Variants in NCOR1 observed in about 807,000 individuals in gnomAD.
The protein encoded by NCOR1 is protein phosphatase 1, regulatory subunit 109.
NCOR1 carries 63 observed loss-of-function variants against 288.1 expected under a neutral mutation model. The observed-to-expected ratio is 0.22, with a 90% confidence interval of 0.18 to 0.27. The LOEUF (loss-of-function observed/expected upper bound fraction) is 0.27. Among genes scored for constraint, NCOR1 ranks in the 10% least tolerant of loss-of-function variants. The pLI is 1.00. For synonymous variants in NCOR1, 1,007 were observed against 1,065.9 expected (o/e 0.94, Z 1.08); for missense variants, 2,397 against 3,019.2 (o/e 0.79, Z 4.83).
At chr17:16,112,406 T>C (rs2070466516) in intron 18 of NCOR1, among the ~76,000 whole-genome samples, 1 of 152,228 alleles carries the variant, frequency 6.6e-6, no homozygotes, top group Admixed American at 6.5e-5. Context: ...AATTCAAATC[T>C]TATTAGCTTT....
chr17:16,170,918 T>C (rs565657252), intron 4 of NCOR1, among the ~76,000 whole-genome samples: 238 of 151,028 alleles, frequency 1.6e-3, no homozygotes, highest in Non-Finnish European at 3.0e-3. Context: ...TCACAAAAGA[T>C]GGGTAAATAA....
chr17:16,151,133 T>C (rs184230024), intron 8 of NCOR1, among the ~76,000 whole-genome samples: 74 of 151,854 alleles, frequency 4.9e-4, no homozygotes, highest in African/African-American at 1.8e-3. Flanking sequence ...ATAAAACATA[T>C]AAAGTAGAAA....
intron 19 of NCOR1, among the ~76,000 whole-genome samples, chr17:16,103,828 C>T (rs909259828): frequency 4.6e-5 from 7 of 152,212 alleles, no homozygotes; most frequent in East Asian, 1.9e-4. Context: ...CCATCCTGAC[C>T]GACATAGTGA....
At chr17:16,116,989 A>G (rs1481863909) in intron 18 of NCOR1, among the ~76,000 whole-genome samples, 1 of 152,220 alleles carries the variant, frequency 6.6e-6, no homozygotes, top group African/African-American at 2.4e-5. Flanking sequence ...AAAAAAGTAA[A>G]TAACATTTGA....
chr17:16,200,833 G>A (rs950076120), intron 1 of NCOR1, among the ~76,000 whole-genome samples: 11 of 152,100 alleles, frequency 7.2e-5, no homozygotes, highest in Admixed American at 2.0e-4. Flanking sequence ...GCAAGACAAA[G>A]CTAAGAAGGA....
chr17:16,170,350 A>G (rs1364816912), intron 4 of NCOR1, among the ~76,000 whole-genome samples: 7 of 152,312 alleles, frequency 4.6e-5, no homozygotes, highest in Admixed American at 6.5e-5. Context: ...GTATGCTTTA[A>G]AAAAAGAAAA....
rs543805731 is a variant in NCOR1 at position 16,155,303 on chromosome 17, A to G, written c.733-1908T>C. Among the ~76,000 whole-genome samples, 14 of 150,346 alleles carry G rather than the reference A, an allele frequency of 9.3e-5. No homozygotes were observed. The East Asian group carries it at 2.4e-3, about 25-fold the overall frequency. On this transcript the variant is annotated intron_variant, in intron 6 of 45. Transcript: ENST00000268712. ...GAGGTGGAGGTTGCAGTGAGCCAAGATCGTGCCACTGCACTCCAGCCTGGG... is the reference window on the plus strand; with the variant it reads ...GAGGTGGAGGTTGCAGTGAGCCAAGGTCGTGCCACTGCACTCCAGCCTGGG...
intron 40 of NCOR1, among the ~76,000 whole-genome samples, chr17:16,055,923 A>G (rs1252718482): frequency 6.6e-6 from 1 of 152,184 alleles, no homozygotes; most frequent in Non-Finnish European, 1.5e-5. Flanking sequence ...CTTCAAAATT[A>G]TCCAGTTTGG....
intron 15 of NCOR1, among the ~76,000 whole-genome samples, chr17:16,124,713 G>A (rs11650678): frequency 0.45 from 68,807 of 151,976 alleles, 16,592 homozygotes; most frequent in Middle Eastern, 0.58. Flanking sequence ...TTTCTATAAT[G>A]TAATTTTATA....
Position 16,186,558 on chromosome 17 carries a change from C to G in NCOR1, c.238G>C (p.Asp80His). The G allele has an allele frequency of 6.2e-7, 1 of 1,613,834 alleles. No homozygotes were observed. The highest frequency in any genetic ancestry group is 8.5e-7 in the Non-Finnish European group (1 of 1,179,870). The change falls in exon 3 of 46, where the codon GAC (aspartate) becomes CAC (histidine). Residue 80 changes from aspartate (D) to histidine (H), a missense_variant. Coordinates refer to ENST00000268712, the MANE Select transcript of NCOR1 (RefSeq NM_006311.4). ...SLLSEFHPGS[D>H]RPQERRTSYE... ...ACATAAAAGAAACCTCATTACCTGTCAGAACCTGGGTGAAATTCTGAAAGC... is the reference window on the plus strand; with the variant it reads ...ACATAAAAGAAACCTCATTACCTGTGAGAACCTGGGTGAAATTCTGAAAGC...
At chr17:16,152,022 T>C (rs754211226) in intron 7 of NCOR1, 24 bp from the exon 8 acceptor site, 2 of 1,499,238 alleles carry the variant, frequency 1.3e-6, no homozygotes, top group Non-Finnish European at 1.8e-6. Context: ...CAAATATTTA[T>C]GTATAAAATG....
intron 42 of NCOR1, among the ~76,000 whole-genome samples, chr17:16,041,874 C>T (rs1465489764): frequency 2.0e-5 from 3 of 151,694 alleles, no homozygotes; most frequent in Admixed American, 6.6e-5. Flanking sequence ...GTGGCTGGGA[C>T]TACAGGCGCC....
intron 42 of NCOR1, among the ~76,000 whole-genome samples, chr17:16,045,846 C>T (rs989495525): frequency 1.3e-5 from 2 of 151,848 alleles, no homozygotes; most frequent in Non-Finnish European, 2.9e-5. Flanking sequence ...AGACATCTCA[C>T]TCTGGCTTAG....
intron 16 of NCOR1, among the ~76,000 whole-genome samples, chr17:16,120,395 CA>C (rs1330099925): frequency 6.6e-6 from 1 of 152,148 alleles, no homozygotes; most frequent in Non-Finnish European, 1.5e-5. Flanking sequence ...TGACCTGCCC[CA>C]ACCTATCTTT....
intron 23 of NCOR1, among the ~76,000 whole-genome samples, chr17:16,082,508 G>C (rs1265680482): frequency 1.3e-5 from 2 of 152,022 alleles, no homozygotes; most frequent in Non-Finnish European, 2.9e-5. Flanking sequence ...TTGAGGCCAA[G>C]AGTCTGAGAC....
intron 19 of NCOR1, among the ~76,000 whole-genome samples, chr17:16,107,784 C>T (rs2069091018): frequency 6.6e-6 from 1 of 152,172 alleles, no homozygotes; most frequent in African/African-American, 2.4e-5. Flanking sequence ...TTCTCTAATA[C>T]TCTCTCTACT....
chr17:16,109,837 C>T (rs1033390483), intron 18 of NCOR1, among the ~76,000 whole-genome samples: 1 of 152,104 alleles, frequency 6.6e-6, no homozygotes, highest in Non-Finnish European at 1.5e-5. Context: ...TGGGTTCAAG[C>T]AATTCTCTGC....
chr17:16,075,494 TA>T, intron 27 of NCOR1, 39 bp downstream of exon 27: 1 of 1,595,064 alleles, frequency 6.3e-7, no homozygotes, highest in Non-Finnish European at 8.6e-7. Context: ...TTTTAGCACA[TA>T]TTGTAATACT....
chr17:16,072,908 T>C (rs970395370), intron 28 of NCOR1, among the ~76,000 whole-genome samples: 1 of 152,220 alleles, frequency 6.6e-6, no homozygotes, highest in Non-Finnish European at 1.5e-5. Flanking sequence ...CCATATCACA[T>C]GAGCAGCACC....
Sources: gnomAD v4.1 joint callset for allele counts (sites outside exome capture counted in the v4.1 genomes callset) on GRCh38, gnomAD v4.1.1 for gene constraint, MANE v1.5 for transcripts, NCBI Gene and HGNC (gene_info 2026-07-23, HGNC 2026-07-21) for gene names.